Variants in NOL4 observed in about 807,000 individuals in gnomAD.
The protein encoded by NOL4 is cancer/testis antigen 125.
In NOL4, 17 loss-of-function variants were observed where a neutral mutation model predicts 75.9. That is an observed-to-expected ratio of 0.22 (90% confidence interval 0.15 to 0.34). The LOEUF (loss-of-function observed/expected upper bound fraction) is 0.34, where lower values mean the gene tolerates loss of function less well. Ranked by LOEUF, NOL4 falls within the 10% of genes least tolerant of loss-of-function variation. NOL4 has a pLI of 1.00. For synonymous variants in NOL4, 292 were observed against 289.9 expected (o/e 1.01, Z -0.07); for missense variants, 614 against 793.5 (o/e 0.77, Z 2.72).
At chr18:34,195,935 G>A (rs1001797627) in intron 1 of NOL4, among the ~76,000 whole-genome samples, 1 of 151,922 alleles carries the variant, frequency 6.6e-6, no homozygotes, top group Non-Finnish European at 1.5e-5. Context: ...CTGTTCTTCA[G>A]GGTAACCTTT....
chr18:34,163,523 C>A (rs1301880136), intron 1 of NOL4, among the ~76,000 whole-genome samples: 1 of 152,068 alleles, frequency 6.6e-6, no homozygotes, highest in Non-Finnish European at 1.5e-5. Flanking sequence ...ACCTAGGAAT[C>A]CAACTTACAA....
chr18:33,882,958 A>G (rs1334652456), intron 10 of NOL4, among the ~76,000 whole-genome samples: 3 of 152,078 alleles, frequency 2.0e-5, no homozygotes, highest in Non-Finnish European at 4.4e-5. Flanking sequence ...TCGCAAGAAC[A>G]AAAAACCAAA....
intron 9 of NOL4, among the ~76,000 whole-genome samples, chr18:33,912,236 A>T (rs951850685): frequency 1.3e-5 from 2 of 151,960 alleles, no homozygotes; most frequent in African/African-American, 4.8e-5. Flanking sequence ...CTCATTCTCA[A>T]TCTTTTTGTA....
At chr18:34,088,740 T>C (rs1300829198) in intron 5 of NOL4, among the ~76,000 whole-genome samples, 1 of 152,114 alleles carries the variant, frequency 6.6e-6, no homozygotes, top group Non-Finnish European at 1.5e-5. Flanking sequence ...TAGCTCAACT[T>C]AGTTTCCTCA....
chr18:33,940,149 C>T (rs2068366666), intron 9 of NOL4, among the ~76,000 whole-genome samples: 1 of 152,012 alleles, frequency 6.6e-6, no homozygotes, highest in African/African-American at 2.4e-5. Flanking sequence ...TGTGGCGATT[C>T]TTCAAGGATC....
intron 9 of NOL4, among the ~76,000 whole-genome samples, chr18:33,916,835 A>G (rs1294678317): frequency 6.6e-6 from 1 of 152,158 alleles, no homozygotes; most frequent in African/African-American, 2.4e-5. Flanking sequence ...AAACTTAGCT[A>G]TTTGTCCTAA....
chr18:33,909,016 G>A (rs2066232454), intron 9 of NOL4, among the ~76,000 whole-genome samples: 1 of 152,046 alleles, frequency 6.6e-6, no homozygotes, highest in Non-Finnish European at 1.5e-5. Flanking sequence ...TATTTCTTCA[G>A]ACATTAAATA....
chr18:34,100,246 CATT>C (rs1269915637), intron 4 of NOL4, among the ~76,000 whole-genome samples: 1 of 152,122 alleles, frequency 6.6e-6, no homozygotes, highest in Admixed American at 6.6e-5. Flanking sequence ...TTTTCTAAAT[CATT>C]ATTTTCCTCT....
intron 5 of NOL4, among the ~76,000 whole-genome samples, chr18:34,086,492 A>G (rs1396583955): frequency 1.3e-5 from 2 of 152,158 alleles, no homozygotes; most frequent in Non-Finnish European, 2.9e-5. Context: ...AAAGTTAACC[A>G]CTGAATTTAA....
chr18:34,020,587 T>C (rs1267050713), intron 5 of NOL4, among the ~76,000 whole-genome samples: 2 of 152,198 alleles, frequency 1.3e-5, no homozygotes, highest in African/African-American at 4.8e-5. Flanking sequence ...AGCAAAAAAT[T>C]AGAAATGACC....
At chr18:33,853,324 T>C (rs1409738444) in intron 10 of NOL4, among the ~76,000 whole-genome samples, 1 of 152,062 alleles carries the variant, frequency 6.6e-6, no homozygotes, top group African/African-American at 2.4e-5. Context: ...TTTTGAAAAA[T>C]TCAATTTTAA....
At chr18:33,874,181 G>A (rs2063827272) in intron 10 of NOL4, among the ~76,000 whole-genome samples, 1 of 151,754 alleles carries the variant, frequency 6.6e-6, no homozygotes. Flanking sequence ...TGGTCATTAT[G>A]CAGAACACAA....
At chr18:34,185,088 T>C (rs2034351405) in intron 1 of NOL4, among the ~76,000 whole-genome samples, 1 of 152,120 alleles carries the variant, frequency 6.6e-6, no homozygotes, top group Admixed American at 6.5e-5. Context: ...CATGGTTCCA[T>C]TTATCAGTAC....
intron 8 of NOL4, among the ~76,000 whole-genome samples, chr18:33,948,959 A>C (rs1213318036): frequency 6.6e-6 from 1 of 152,214 alleles, no homozygotes; most frequent in South Asian, 2.1e-4. Context: ...TAAACCTAAA[A>C]GATTTTTCAG....
intron 1 of NOL4, among the ~76,000 whole-genome samples, chr18:34,194,891 G>T (rs1475699608): frequency 6.6e-6 from 1 of 151,916 alleles, no homozygotes; most frequent in African/African-American, 2.4e-5. Flanking sequence ...GGGCGTGGTA[G>T]TACACGCCTG....
intron 1 of NOL4, among the ~76,000 whole-genome samples, chr18:34,142,996 T>A (rs888629005): frequency 3.3e-5 from 5 of 151,862 alleles, no homozygotes; most frequent in Admixed American, 2.6e-4. Flanking sequence ...AATAAAGCTG[T>A]TAAAATAAAT....
At chr18:34,093,442 T>C (rs1293164246) in intron 5 of NOL4, 23 bp downstream of exon 5, 1 of 1,548,062 alleles carries the variant, frequency 6.5e-7, no homozygotes. Flanking sequence ...GTTTTGCTTA[T>C]TTAGTCAAAC....
At chr18:34,052,579 T>C (rs2076668478) in intron 5 of NOL4, among the ~76,000 whole-genome samples, 1 of 152,082 alleles carries the variant, frequency 6.6e-6, no homozygotes, top group Admixed American at 6.6e-5. Flanking sequence ...CACTTTTAAA[T>C]TATTTATTAA....
chr18:34,173,835 T>C (rs1456423626), intron 1 of NOL4, among the ~76,000 whole-genome samples: 1 of 152,190 alleles, frequency 6.6e-6, no homozygotes, highest in African/African-American at 2.4e-5. Context: ...GTTGTATGAA[T>C]GCATTTTTAC....
Sources: allele counts gnomAD v4.1 joint callset (sites outside exome capture counted in the v4.1 genomes callset), GRCh38; gene constraint gnomAD v4.1.1; transcripts MANE v1.5; gene names NCBI Gene and HGNC (gene_info 2026-07-23, HGNC 2026-07-21).